The following ANKRD30BL variants were observed in gnomAD, a reference collection of about 807,000 sequenced individuals.
ANKRD30BL encodes ankyrin repeat domain 30B like, also known as putative ankyrin repeat domain-containing protein 30B-like.
Under a neutral mutation model 18.4 loss-of-function variants are expected in ANKRD30BL, and 20 were observed. The ratio of observed to expected loss-of-function variants is 1.09; its 90% CI spans 0.77 to 1.58. ANKRD30BL has a LOEUF of 1.58. ANKRD30BL is among the 40% of genes most tolerant of loss of function. The pLI is 0.00. For synonymous variants in ANKRD30BL, 72 were observed against 100.9 expected, an observed-to-expected ratio of 0.71 and a Z score of 1.72; for missense variants, 224 against 268.6, an observed-to-expected ratio of 0.83 and a Z score of 1.16.
intron 1 of ANKRD30BL, among the ~76,000 whole-genome samples, chr2:132,218,691 TCA>T (rs2104767003): frequency 6.6e-6 from 1 of 152,082 alleles, no homozygotes; most frequent in East Asian, 1.9e-4. Flanking sequence ...TGCCTTCAAC[TCA>T]CAGAGTTGAA....
At chr2:132,257,199 G>A (rs1033207467) in intron 1 of ANKRD30BL, 10 of 417,148 alleles carry the variant, frequency 2.4e-5, no homozygotes, top group Admixed American at 1.4e-4. Flanking sequence ...ACCCGGTCAA[G>A]CTCCAGGAGA....
intron 1 of ANKRD30BL, among the ~76,000 whole-genome samples, chr2:132,224,870 A>T (rs372172012): frequency 6.6e-6 from 1 of 151,838 alleles, no homozygotes; most frequent in African/African-American, 2.4e-5. Context: ...GTGAATTAAA[A>T]TCACAGAGTT....
At chr2:132,211,937 G>A (rs201893433) in intron 1 of ANKRD30BL, among the ~76,000 whole-genome samples, 45 of 151,258 alleles carry the variant, frequency 3.0e-4, no homozygotes, top group African/African-American at 9.4e-4. Flanking sequence ...GAATCATTCC[G>A]ACAAACTTCT....
chr2:132,196,595 G>T (rs1678973887), intron 1 of ANKRD30BL, among the ~76,000 whole-genome samples: 1 of 152,126 alleles, frequency 6.6e-6, no homozygotes, highest in South Asian at 2.1e-4. Flanking sequence ...AGACCAGGCT[G>T]ACCAACATAA....
chr2:132,200,950 T>C (rs903314770), intron 1 of ANKRD30BL, among the ~76,000 whole-genome samples: 1 of 152,088 alleles, frequency 6.6e-6, no homozygotes, highest in Non-Finnish European at 1.5e-5. Flanking sequence ...AACAGAGATA[T>C]AGATCAATGG....
At chr2:132,210,913 G>T (rs1242472908) in intron 1 of ANKRD30BL, among the ~76,000 whole-genome samples, 1 of 152,236 alleles carries the variant, frequency 6.6e-6, no homozygotes. Context: ...AGCATTCTGA[G>T]AAACTTCTTT....
intron 1 of ANKRD30BL, among the ~76,000 whole-genome samples, chr2:132,172,685 T>A (rs571926737): frequency 6.6e-6 from 1 of 152,082 alleles, no homozygotes; most frequent in East Asian, 1.9e-4. Flanking sequence ...ATTCTTTGAG[T>A]TGTTGTTCCA....
At chr2:132,188,701 C>T (rs1420430110) in intron 1 of ANKRD30BL, among the ~76,000 whole-genome samples, 1 of 148,792 alleles carries the variant, frequency 6.7e-6, no homozygotes, top group Non-Finnish European at 1.5e-5. Flanking sequence ...TAGAGCGAGC[C>T]TCTGTCTCAG....
At position 132,203,013 on chromosome 2, in the gene ANKRD30BL, T is replaced by C. The variant is rs962549542; in HGVS notation, n.442-45867A>G. Among the ~76,000 whole-genome samples, 20 of 152,246 alleles carry C rather than the reference T, an allele frequency of 1.3e-4. 1 individual carries two copies. Among genetic ancestry groups the C allele is most frequent in the African/African-American group, 4.3e-4 (18 of 41,474 alleles). On this transcript the variant is annotated intron_variant and non_coding_transcript_variant, in intron 1 of 4. Transcript: ENST00000470729. Reference sequence around the variant, plus strand: ...ACCAAATGTGTTAATTAACAGTCAGTTCATAATGTAAGGGGGACTCAAATA... The same window carrying C: ...ACCAAATGTGTTAATTAACAGTCAGCTCATAATGTAAGGGGGACTCAAATA...
intron 5 of ANKRD30BL, among the ~76,000 whole-genome samples, chr2:132,149,696 C>T (rs867304659): frequency 2.0e-5 from 3 of 152,130 alleles, no homozygotes; most frequent in Non-Finnish European, 4.4e-5. Flanking sequence ...TAAGGGTTTT[C>T]ACTCTAGGAG....
intron 1 of ANKRD30BL, among the ~76,000 whole-genome samples, chr2:132,182,557 A>C (rs1365528840): frequency 6.6e-6 from 1 of 152,206 alleles, no homozygotes; most frequent in African/African-American, 2.4e-5. Context: ...ATGAATGAGT[A>C]AAATGGAAGC....
Position 132,173,008 on chromosome 2 carries a change from C to T in ANKRD30BL, n.442-15862G>A, listed in dbSNP as rs576050801. Among the ~76,000 whole-genome samples the T allele has an allele frequency of 8.8e-4, 133 of 151,658 alleles. 1 individual carries two copies. The highest frequency in any genetic ancestry group is 2.9e-3 in the African/African-American group (118 of 41,360). ...GGCGTGAGCCACCACACCTGGTCAA[C>T]GGTGACTTTTAATGCACAGAACTTT... On this transcript the variant is annotated intron_variant and non_coding_transcript_variant, in intron 1 of 4. Transcript: ENST00000470729.
At chr2:132,164,269 C>CTTTTTTTTTTTTTTTTTTTTT (rs796313755), upstream of ANKRD30BL, among the ~76,000 whole-genome samples, 17 of 112,202 alleles carry the variant, frequency 1.5e-4, 1 homozygote, top group East Asian at 8.0e-4. Context: ...TTTTCTTTTT[C>CTTTTTTTTTTTTTTTTTTTTT]TTTTTTTTTT....
intron 1 of ANKRD30BL, among the ~76,000 whole-genome samples, chr2:132,210,945 C>A (rs1179838514): frequency 1.3e-5 from 2 of 148,528 alleles, no homozygotes; most frequent in African/African-American, 5.0e-5. Flanking sequence ...ATTCATCTCA[C>A]AGAGTTGAAC....
chr2:132,177,927 TG>T (rs1463466972), intron 1 of ANKRD30BL, among the ~76,000 whole-genome samples: 2 of 152,232 alleles, frequency 1.3e-5, no homozygotes, highest in East Asian at 3.8e-4. Context: ...TTTTTACAGT[TG>T]GTATGCCATT....
intron 1 of ANKRD30BL, among the ~76,000 whole-genome samples, chr2:132,236,128 C>T (rs1573875200): frequency 6.6e-6 from 1 of 152,062 alleles, no homozygotes; most frequent in Non-Finnish European, 1.5e-5. Context: ...GGAAAACTGG[C>T]TAGCCATATG....
intron 1 of ANKRD30BL, among the ~76,000 whole-genome samples, chr2:132,239,569 A>G (rs549618615): frequency 1.2e-3 from 180 of 151,768 alleles, no homozygotes; most frequent in African/African-American, 4.2e-3. Flanking sequence ...GTTTTGATAC[A>G]CCCTTTTTGT....
chr2:132,250,745 A>C (rs62164975), intron 1 of ANKRD30BL, among the ~76,000 whole-genome samples: 3 of 152,184 alleles, frequency 2.0e-5, no homozygotes, highest in Non-Finnish European at 4.4e-5. Context: ...ATACTGAACT[A>C]CTTATGTTTC....
chr2:132,257,079 C>G, intron 1 of ANKRD30BL: 1 of 487,458 alleles, frequency 2.1e-6, no homozygotes, highest in Non-Finnish European at 4.1e-6. Context: ...GCCCTCGGCA[C>G]CACCGAGACC....
Sources: gnomAD v4.1 joint callset for allele counts (sites outside exome capture counted in the v4.1 genomes callset) on GRCh38, gnomAD v4.1.1 for gene constraint, MANE v1.5 for transcripts, NCBI Gene and HGNC (gene_info 2026-07-23, HGNC 2026-07-21) for gene names.